Variants in SRGAP2 observed in about 807,000 individuals in gnomAD.
SRGAP2 encodes SLIT-ROBO Rho GTPase activating protein 2.
In SRGAP2, 15 loss-of-function variants were observed where a neutral mutation model predicts 57.2. The observed-to-expected ratio is 0.26, with a 90% CI of 0.18 to 0.40. The LOEUF (loss-of-function observed/expected upper bound fraction) is 0.40. Among genes scored for constraint, SRGAP2 ranks in the 10% least tolerant of loss-of-function variants. The pLI, the probability that SRGAP2 is intolerant of heterozygous loss-of-function variation, is 1.00. For synonymous variants in SRGAP2, 249 were observed against 248.0 expected (o/e 1.00, Z -0.04); for missense variants, 520 against 669.6 (o/e 0.78, Z 2.47).
chr1:206,436,362 T>TC (rs1661754633), intron 14 of SRGAP2, among the ~76,000 whole-genome samples: 1 of 152,048 alleles, frequency 6.6e-6, no homozygotes, highest in Non-Finnish European at 1.5e-5. Context: ...TTTTTTTTTT[T>TC]TTTCTTTGAG....
intron 4 of SRGAP2, among the ~76,000 whole-genome samples, chr1:206,357,271 AAGT>A (rs1258336574): frequency 8.7e-5 from 13 of 149,486 alleles, no homozygotes; most frequent in Admixed American, 2.0e-4. Context: ...AAATTTTAAA[AAGT>A]AGTAACGTGT....
chr1:206,291,662 C>T (rs1387668158), intron 2 of SRGAP2, among the ~76,000 whole-genome samples: 6 of 149,888 alleles, frequency 4.0e-5, no homozygotes, highest in East Asian at 3.9e-4. Flanking sequence ...TCAATAGGAG[C>T]CTACTTGGCA....
intron 18 of SRGAP2, among the ~76,000 whole-genome samples, chr1:206,447,844 T>A (rs1225183408): frequency 5.3e-5 from 8 of 152,166 alleles, no homozygotes; most frequent in African/African-American, 1.9e-4. Flanking sequence ...TGGGTCAGAG[T>A]CCTGGAGGGG....
chr1:206,281,932 A>C (rs1670764456), intron 2 of SRGAP2, among the ~76,000 whole-genome samples: 1 of 152,006 alleles, frequency 6.6e-6, no homozygotes, highest in Non-Finnish European at 1.5e-5. Context: ...AAACAAAAAA[A>C]AACCTTTTCT....
At chr1:206,207,689 T>A (rs1439416028) in intron 2 of SRGAP2, 1 of 142,090 alleles carries the variant, frequency 7.0e-6, no homozygotes, top group Non-Finnish European at 1.5e-5. Flanking sequence ...TTAATAACTT[T>A]GATCTTCCCA....
intron 17 of SRGAP2, among the ~76,000 whole-genome samples, chr1:206,443,304 G>A (rs565946020): frequency 1.3e-5 from 2 of 152,242 alleles, no homozygotes; most frequent in Non-Finnish European, 2.9e-5. Flanking sequence ...AAATTTTAAA[G>A]CAGAGAGTTG....
chr1:206,418,069 G>A (rs533017465), intron 11 of SRGAP2, among the ~76,000 whole-genome samples: 1 of 150,794 alleles, frequency 6.6e-6, no homozygotes, highest in South Asian at 2.1e-4. Context: ...GCTGCAAATT[G>A]TCTTAATCTA....
At position 206,392,780 on chromosome 1, in the gene SRGAP2, G is replaced by C. The variant is rs782778984; in HGVS notation, c.578G>C (p.Gly193Ala). Residue 193 changes from glycine (G) to alanine (A), a missense_variant, in exon 6 of 23, where the codon GGT becomes GCT. Gly to Ala is a moderately conservative substitution (Grantham distance 60). Transcript: ENST00000573034. ...EAEKQEEKQI[G>A]KSVKQEDRQT... is the part of the protein sequence containing the mutation. Reference sequence around the variant, plus strand: ...GAGAAGCAGGAGGAGAAGCAAATTGGTAAATCGGTAAAGCAGGAGGACCGG... The same window carrying C: ...GAGAAGCAGGAGGAGAAGCAAATTGCTAAATCGGTAAAGCAGGAGGACCGG... 2 of 730,046 alleles carry C rather than the reference G, an allele frequency of 2.7e-6. No homozygotes were observed. Among genetic ancestry groups the C allele is most frequent in the African/African-American group, 3.5e-5 (2 of 57,106 alleles). 45.2% of individuals were successfully genotyped at this position (730,046 alleles called of 1,614,324 possible).
chr1:206,230,170 C>G (rs1384304244), intron 2 of SRGAP2, among the ~76,000 whole-genome samples: 1 of 152,002 alleles, frequency 6.6e-6, no homozygotes, highest in Non-Finnish European at 1.5e-5. Context: ...CAAAATGTTT[C>G]TACTGCATTG....
intron 19 of SRGAP2, 78 bp downstream of exon 19, chr1:206,450,543 G>A (rs528595981): frequency 3.0e-5 from 22 of 725,638 alleles, no homozygotes; most frequent in African/African-American, 2.2e-4. Context: ...CTGTGCATCT[G>A]ATGAACCTGT....
chr1:206,455,230 G>C, intron 21 of SRGAP2: 2 of 611,048 alleles, frequency 3.3e-6, no homozygotes, highest in Non-Finnish European at 5.9e-6. Context: ...CAGGTCTCCA[G>C]CTAGCTGCCC....
At chr1:206,356,134 GTTA>G (rs1553339268) in intron 4 of SRGAP2, among the ~76,000 whole-genome samples, 2 of 138,714 alleles carry the variant, frequency 1.4e-5, no homozygotes, top group African/African-American at 2.7e-5. Context: ...GTGTCAATTT[GTTA>G]TTATTAAGAA....
intron 3 of SRGAP2, among the ~76,000 whole-genome samples, chr1:206,333,619 T>C (rs1313808113): frequency 2.0e-5 from 3 of 152,160 alleles, no homozygotes; most frequent in East Asian, 1.9e-4. Flanking sequence ...CTCAAGCTCC[T>C]GGGCTCAAGC....
chr1:206,266,969 T>C (rs1408529308), intron 2 of SRGAP2, among the ~76,000 whole-genome samples: 7 of 109,570 alleles, frequency 6.4e-5, no homozygotes, highest in African/African-American at 2.6e-4. Context: ...AAACTTACTT[T>C]TTTTTTTTTT....
intron 14 of SRGAP2, among the ~76,000 whole-genome samples, chr1:206,436,184 A>G (rs1454488922): frequency 1.3e-5 from 2 of 152,152 alleles, no homozygotes; most frequent in East Asian, 3.8e-4. Context: ...AAGCCAAAAG[A>G]TTGGATGCTC....
At chr1:206,410,732 T>A (rs1399175696) in intron 10 of SRGAP2, among the ~76,000 whole-genome samples, 1 of 152,260 alleles carries the variant, frequency 6.6e-6, no homozygotes, top group Admixed American at 6.5e-5. Flanking sequence ...CCTTTTTAAA[T>A]GGCTGGATAG....
At chr1:206,458,598 C>T (rs1558457947) in intron 21 of SRGAP2, 25 bp from the exon 22 acceptor site, 1 of 710,436 alleles carries the variant, frequency 1.4e-6, no homozygotes, top group South Asian at 1.6e-5. Flanking sequence ...CCTGATCACA[C>T]TGCCCTTTCT....
intron 2 of SRGAP2, among the ~76,000 whole-genome samples, chr1:206,295,418 T>G (rs1489171909): frequency 1.7e-4 from 26 of 151,814 alleles, no homozygotes; most frequent in African/African-American, 5.8e-4. Flanking sequence ...AGTGATGGGG[T>G]TTTACCATGT....
intron 2 of SRGAP2, among the ~76,000 whole-genome samples, chr1:206,280,085 G>A (rs1384371849): frequency 1.1e-4 from 17 of 151,840 alleles, no homozygotes; most frequent in Admixed American, 7.9e-4. Context: ...TATTTTGGAT[G>A]AGAATTTCAT....
Sources: allele counts gnomAD v4.1 joint callset (sites outside exome capture counted in the v4.1 genomes callset), GRCh38; gene constraint gnomAD v4.1.1; transcripts MANE v1.5; gene names NCBI Gene and HGNC (gene_info 2026-07-23, HGNC 2026-07-21).